PRDM9: variants seen among roughly 807,000 people sequenced by gnomAD.
PRDM9 encodes the protein histone-lysine N-methyltransferase PRDM9.
Under a neutral mutation model 55.6 loss-of-function variants are expected in PRDM9, and 47 were observed. The ratio of observed to expected loss-of-function variants is 0.85; its 90% CI spans 0.67 to 1.08. The LOEUF (loss-of-function observed/expected upper bound fraction) is 1.08, where lower values mean the gene tolerates loss of function less well. Ranked by LOEUF, PRDM9 falls within the 50% of genes least tolerant of loss-of-function variation. The pLI is 0.00. For synonymous variants in PRDM9, 312 were observed against 375.7 expected (o/e 0.83, Z 1.96); for missense variants, 867 against 1,040.3 (o/e 0.83, Z 2.29).
chr5:23,522,640 A>G lies in PRDM9; in HGVS notation c.637A>G (p.Ile213Val). Residue 213 changes from isoleucine (I) to valine (V), a missense_variant, in exon 8 of 11, where the codon ATT becomes GTT. Ile to Val is a conservative substitution (Grantham distance 29, BLOSUM62 3). Coordinates refer to ENST00000296682, the MANE Select transcript of PRDM9 (RefSeq NM_020227.4). ...TTGTGAGATGTGTCAGAACTTCTTCATTGACAGCTGTGCTGCCCATGGGCC... is the reference window on the plus strand; with the variant it reads ...TTGTGAGATGTGTCAGAACTTCTTCGTTGACAGCTGTGCTGCCCATGGGCC... The part of the protein sequence containing the change: ...LYCEMCQNFF[I>V]DSCAAHGPPT... 1.9e-6 allele frequency: 3 copies of G among 1,614,198 alleles called. No homozygotes were observed. Among genetic ancestry groups the G allele is most frequent in the Non-Finnish European group, 2.5e-6 (3 of 1,180,034 alleles).
chr5:23,516,772 T>A (rs574497656), intron 4 of PRDM9, among the ~76,000 whole-genome samples: 1 of 146,554 alleles, frequency 6.8e-6, no homozygotes, highest in African/African-American at 2.5e-5. Flanking sequence ...CAGGCTGGAG[T>A]GCAGTGGCAC....
At chr5:23,525,570 C>A (rs543239464) in intron 10 of PRDM9, among the ~76,000 whole-genome samples, 1 of 152,124 alleles carries the variant, frequency 6.6e-6, no homozygotes, top group East Asian at 1.9e-4. Flanking sequence ...GTCAGTGGGA[C>A]CTGGACCACT....
chr5:23,509,109 A>G lies in PRDM9; in HGVS notation c.69+7A>G. On this transcript the variant is annotated splice_region_variant and intron_variant, in intron 2 of 10. Transcript: ENST00000296682. ...AACAGAGCGGAAGCCCATGGTGAGA[A>G]GTGGAGGAAGCGAAGCTGGACTCCT... 6.2e-7 allele frequency: 1 copy of G among 1,614,092 alleles called. No homozygotes were observed.
chr5:23,525,341 C>A (rs1461727498), intron 10 of PRDM9, among the ~76,000 whole-genome samples: 4 of 152,102 alleles, frequency 2.6e-5, no homozygotes, highest in African/African-American at 9.7e-5. Flanking sequence ...GAATGGTGGG[C>A]AGGATGAAGG....
intron 6 of PRDM9, among the ~76,000 whole-genome samples, chr5:23,521,512 A>T (rs1739328008): frequency 1.3e-5 from 2 of 152,030 alleles, no homozygotes; most frequent in South Asian, 4.2e-4. Flanking sequence ...TGATTTTTGT[A>T]TTTTTAGTAG....
At chr5:23,509,898 C>G (rs1346747030) in intron 3 of PRDM9, 22 bp from the exon 4 acceptor site, 13 of 1,613,588 alleles carry the variant, frequency 8.1e-6, no homozygotes, top group African/African-American at 1.3e-5. Flanking sequence ...CATTTTAGAA[C>G]AAAATTTTTG....
chr5:23,523,210 G>A, intron 8 of PRDM9, 81 bp from the exon 9 acceptor site: 7 of 1,490,548 alleles, frequency 4.7e-6, no homozygotes, highest in Non-Finnish European at 6.5e-6. Context: ...AGGCCCAAAG[G>A]CCATTGACGA....
chr5:23,516,457 C>T (rs1238535826), intron 4 of PRDM9, among the ~76,000 whole-genome samples: 1 of 151,610 alleles, frequency 6.6e-6, no homozygotes, highest in Non-Finnish European at 1.5e-5. Context: ...ACTGCAAGCT[C>T]CACTTCCCTG....
In PRDM9 at chr5:23,517,907, G is replaced by T. The variant is rs1229898156; in HGVS notation, c.328G>T (p.Val110Leu). 1 of 1,603,200 alleles carries T rather than the reference G, an allele frequency of 6.2e-7. No individual in the cohort carries two copies. Among genetic ancestry groups the T allele is most frequent in the Admixed American group, 1.7e-5 (1 of 59,990 alleles). ...CAAACCTCCTTGGATGGCCTTAAGA[G>T]TGGAACAGCGTAAACACCAGAAGGT... ...QVKPPWMALRVEQRKHQKGMP... is the reference protein window; with the variant it reads ...QVKPPWMALRLEQRKHQKGMP... The change falls in exon 5 of 11, where the codon GTG becomes TTG. Residue 110 changes from valine to leucine, a missense_variant. Physicochemically the swap from Val to Leu is conservative, Grantham distance 32. Around this residue, in one of 5 missense-constraint regions of PRDM9, gnomAD observed 662 missense variants for 711.9 expected, o/e 0.93. Coordinates refer to ENST00000296682, the MANE Select transcript of PRDM9 (RefSeq NM_020227.4).
intron 6 of PRDM9, 68 bp downstream of exon 6, chr5:23,521,247 T>C: frequency 6.3e-7 from 1 of 1,575,682 alleles, no homozygotes; most frequent in South Asian, 1.1e-5. Context: ...GAGTATGGTC[T>C]ACCTATGTGG....
chr5:23,516,250 A>G (rs1049091978), intron 4 of PRDM9, among the ~76,000 whole-genome samples: 1 of 152,054 alleles, frequency 6.6e-6, no homozygotes, highest in African/African-American at 2.4e-5. Context: ...ATTTGTAATT[A>G]TTCTATTCTT....
rs1739514089 is a variant in PRDM9, at chr5:23,527,937, C to T, written c.*164C>T. ...GAAATAACTGATTAAACAAATCCGC[C>T]ACTTTCATGACTAGAGATGAGGAAG... is the stretch of plus-strand genomic sequence containing the variant. On this transcript the variant is annotated 3_prime_UTR_variant, in exon 11 of 11. Transcript: ENST00000296682. 4 of 918,964 alleles carry T rather than the reference C, an allele frequency of 4.4e-6. No homozygotes were observed. The highest frequency in any genetic ancestry group is 6.6e-4 in the Middle Eastern group (2 of 3,010). 56.9% of individuals were successfully genotyped at this position (918,964 alleles called of 1,614,324 possible). A position where few individuals can be genotyped will look rare whatever the true frequency, so the allele number is the denominator to read the frequency against.
chr5:23,523,430 A>G, intron 9 of PRDM9, 72 bp downstream of exon 9: 1 of 1,470,942 alleles, frequency 6.8e-7, no homozygotes, highest in South Asian at 1.1e-5. Flanking sequence ...CTTCCTTATC[A>G]TTATGCCTCC....
At position 23,522,642 on chromosome 5, in the gene PRDM9, T is replaced by C. The variant is rs1276092699; in HGVS notation, c.639T>C (p.Ile213=). The change falls in exon 8 of 11, where the codon ATT becomes ATC. Residue 213 remains isoleucine (I), a synonymous_variant. Coordinates refer to ENST00000296682, the MANE Select transcript of PRDM9 (RefSeq NM_020227.4). The part of the protein sequence containing the change: ...LYCEMCQNFF[I]DSCAAHGPPT... ...GTGAGATGTGTCAGAACTTCTTCATTGACAGCTGTGCTGCCCATGGGCCCC... is the reference window on the plus strand; with the variant it reads ...GTGAGATGTGTCAGAACTTCTTCATCGACAGCTGTGCTGCCCATGGGCCCC... 1.2e-6 allele frequency: 2 copies of C among 1,614,120 alleles called. No homozygotes were observed. The highest frequency in any genetic ancestry group is 2.7e-5 in the African/African-American group (2 of 74,940).
At chr5:23,524,977 C>G (rs189803816) in intron 10 of PRDM9, among the ~76,000 whole-genome samples, 27 of 152,272 alleles carry the variant, frequency 1.8e-4, no homozygotes, top group Middle Eastern at 3.4e-3. Flanking sequence ...ATAGATTGAT[C>G]AAGACAATCA....
At chr5:23,514,456 AT>A (rs879937422) in intron 4 of PRDM9, among the ~76,000 whole-genome samples, 103 of 146,856 alleles carry the variant, frequency 7.0e-4, no homozygotes, top group Middle Eastern at 3.6e-3. Context: ...CTACTAGAAG[AT>A]TTTTTTTTTT....
intron 4 of PRDM9, among the ~76,000 whole-genome samples, chr5:23,513,558 C>T (rs1195195302): frequency 6.6e-6 from 1 of 152,048 alleles, no homozygotes; most frequent in Non-Finnish European, 1.5e-5. Context: ...CCTCCAGAAC[C>T]ACAAGCCAAA....
chr5:23,527,830 C>T lies in PRDM9; in HGVS notation c.*57C>T. On this transcript the variant is annotated 3_prime_UTR_variant, in exon 11 of 11. Coordinates refer to ENST00000296682, the MANE Select transcript of PRDM9 (RefSeq NM_020227.4). ...CACAAAAAGACAAATGTGGTCACCA[C>T]ACACTTGCACACCCCAGCTGTGAGG... 1 of 1,601,868 alleles carries T rather than the reference C, an allele frequency of 6.2e-7. No individual in the cohort carries two copies. Among genetic ancestry groups the T allele is most frequent in the South Asian group, 1.1e-5 (1 of 90,648 alleles).
In PRDM9 at chr5:23,524,376, G is replaced by T. The variant is rs188381798; in HGVS notation, c.993G>T (p.Val331=). 8 of 1,613,916 alleles carry T rather than the reference G, an allele frequency of 5.0e-6. No individual in the cohort carries two copies. The African/African-American group carries it at 9.3e-5, about 19-fold the overall frequency. ...GGGATGATGAAGAGCAGAACCTGGTGGCCTTCCAGTACCACAGGCAGATCT... is the reference window on the plus strand; with the variant it reads ...GGGATGATGAAGAGCAGAACCTGGTTGCCTTCCAGTACCACAGGCAGATCT... ...CARDDEEQNL[V]AFQYHRQIFY... The change falls in exon 10 of 11, where the codon GTG becomes GTT. Residue 331 remains valine (V), a synonymous_variant. Coordinates refer to ENST00000296682, the MANE Select transcript of PRDM9 (RefSeq NM_020227.4).
Sources: gnomAD v4.1 joint callset for allele counts (sites outside exome capture counted in the v4.1 genomes callset) on GRCh38, gnomAD v4.1.1 for gene constraint, gnomAD v4.1.1 regional missense constraint, MANE v1.5 for transcripts, NCBI Gene and HGNC (gene_info 2026-07-23, HGNC 2026-07-21) for gene names.